SEMA3A: variants seen among roughly 807,000 people sequenced by gnomAD.
SEMA3A encodes the protein semaphorin 3A, also known as semaphorin-3A.
A neutral mutation model predicts 97.9 loss-of-function variants in SEMA3A; 29 were observed. The ratio of observed to expected loss-of-function variants is 0.30; its 90% confidence interval spans 0.22 to 0.40. SEMA3A has a LOEUF of 0.40. SEMA3A is among the 10% of genes least tolerant of loss of function. The pLI is 1.00. For synonymous variants in SEMA3A, 321 were observed against 323.7 expected (o/e 0.99, Z 0.09); for missense variants, 763 against 951.3 (o/e 0.80, Z 2.60).
At chr7:84,360,457 TG>T (rs1363525555) in intron 2 of SEMA3A, among the ~76,000 whole-genome samples, 4 of 152,050 alleles carry the variant, frequency 2.6e-5, no homozygotes, top group Non-Finnish European at 4.4e-5. Context: ...CAGTTTTGAG[TG>T]AGTTTCTTAA....
chr7:84,008,539 T>TG (rs1790761215), intron 9 of SEMA3A, among the ~76,000 whole-genome samples: 1 of 151,602 alleles, frequency 6.6e-6, no homozygotes, highest in South Asian at 2.1e-4. Flanking sequence ...TTTATTAGGC[T>TG]TATAGAAATG....
intron 2 of SEMA3A, among the ~76,000 whole-genome samples, chr7:84,134,464 C>G (rs184215582): frequency 2.6e-5 from 4 of 152,284 alleles, no homozygotes; most frequent in Admixed American, 2.6e-4. Context: ...TATACCTACA[C>G]ACATATAAAT....
chr7:84,005,237 A>T (rs994080421), intron 11 of SEMA3A, 102 bp downstream of exon 11: 7 of 818,712 alleles, frequency 8.6e-6, no homozygotes, highest in Non-Finnish European at 1.5e-5. Context: ...TTTCAACTGC[A>T]CAGAGGGTTG....
At chr7:84,324,632 TTTTAAC>T (rs1318382359) in intron 2 of SEMA3A, among the ~76,000 whole-genome samples, 5 of 152,184 alleles carry the variant, frequency 3.3e-5, no homozygotes, top group Admixed American at 3.3e-4. Context: ...TATGTAATTT[TTTTAAC>T]TTTAACAAGA....
chr7:84,056,960 C>T (rs1433523731), intron 5 of SEMA3A, among the ~76,000 whole-genome samples: 2 of 152,166 alleles, frequency 1.3e-5, no homozygotes, highest in Admixed American at 6.5e-5. Flanking sequence ...TTTCTCACAA[C>T]ACACTAGTGA....
At chr7:84,056,660 A>C (rs1792994250) in intron 5 of SEMA3A, among the ~76,000 whole-genome samples, 1 of 152,070 alleles carries the variant, frequency 6.6e-6, no homozygotes, top group Admixed American at 6.5e-5. Context: ...GCACGGATGC[A>C]ATCCATGGAT....
chr7:84,375,150 G>A lies in SEMA3A; in HGVS notation c.-245-3250C>T, dbSNP rs149775565. ...TTCTCCTGCCTCAGCCTCCTGAGTA[G>A]CTGGGATTACAGGCACCCGCCAACA... On this transcript the variant is annotated intron_variant, in intron 1 of 3. Transcript: ENST00000424555. 2.5e-3 allele frequency among the ~76,000 whole-genome samples: 373 copies of A among 152,162 alleles called. 2 individuals carry two copies. The highest frequency in any genetic ancestry group is 8.8e-3 in the African/African-American group (365 of 41,510).
chr7:84,418,721 G>A (rs1804502668), intron 1 of SEMA3A, among the ~76,000 whole-genome samples: 1 of 151,922 alleles, frequency 6.6e-6, no homozygotes, highest in Non-Finnish European at 1.5e-5. Flanking sequence ...GGGGGCTCTT[G>A]AGCCTCTAGC....
intron 1 of SEMA3A, among the ~76,000 whole-genome samples, chr7:84,402,978 A>C (rs1307551905): frequency 1.3e-5 from 2 of 152,168 alleles, no homozygotes; most frequent in Non-Finnish European, 2.9e-5. Flanking sequence ...AGCAACGCAG[A>C]AGACAGATGA....
At chr7:84,308,495 T>A (rs964794658) in intron 2 of SEMA3A, among the ~76,000 whole-genome samples, 2 of 152,142 alleles carry the variant, frequency 1.3e-5, no homozygotes, top group Non-Finnish European at 2.9e-5. Context: ...GTCAATCAAC[T>A]GAGAAACTAG....
In SEMA3A at chr7:83,956,884, C is replaced by T. The variant is rs79005297; in HGVS notation, c.*4487G>A. 6.6e-6 allele frequency: 1 copy of T among 152,048 alleles called. No individual in the cohort carries two copies. Among genetic ancestry groups the T allele is most frequent in the African/African-American group, 2.4e-5 (1 of 41,400 alleles). 9.4% of individuals were successfully genotyped at this position (152,048 alleles called of 1,614,324 possible). ...GAAAGTCACTTATTCTCTGAAGCAC[C>T]CCATGATCTCTCTCCACAAGTTAAT... is the stretch of plus-strand genomic sequence containing the variant. On this transcript the variant is annotated 3_prime_UTR_variant, in exon 17 of 17. Transcript: ENST00000265362.
At chr7:84,269,017 C>T (rs1401974802) in intron 3 of SEMA3A, among the ~76,000 whole-genome samples, 1 of 152,088 alleles carries the variant, frequency 6.6e-6, no homozygotes, top group African/African-American at 2.4e-5. Flanking sequence ...TGTTACTACT[C>T]CTTGCTTCTT....
chr7:84,298,185 A>G (rs1476907687), intron 3 of SEMA3A, among the ~76,000 whole-genome samples: 1 of 152,164 alleles, frequency 6.6e-6, no homozygotes, highest in African/African-American at 2.4e-5. Context: ...TCTTCTGCCT[A>G]TCAAACCTAC....
intron 12 of SEMA3A, among the ~76,000 whole-genome samples, chr7:83,993,211 C>G (rs1790039934): frequency 9.0e-6 from 1 of 110,788 alleles, no homozygotes. Flanking sequence ...GTATGTGTGT[C>G]TCTGCACGTG....
At chr7:84,196,285 T>C (rs1165484318), upstream of SEMA3A, among the ~76,000 whole-genome samples, 2 of 152,198 alleles carry the variant, frequency 1.3e-5, no homozygotes, top group East Asian at 3.9e-4. Context: ...CTAAGCATTG[T>C]CACTACAGCT....
intron 1 of SEMA3A, among the ~76,000 whole-genome samples, chr7:84,466,191 G>A (rs1805992176): frequency 6.6e-6 from 1 of 151,894 alleles, no homozygotes; most frequent in Non-Finnish European, 1.5e-5. Flanking sequence ...GTTTGCTTTT[G>A]AGACGGAGTT....
At chr7:83,982,381 T>C (rs1027543148) in intron 13 of SEMA3A, among the ~76,000 whole-genome samples, 2 of 152,346 alleles carry the variant, frequency 1.3e-5, no homozygotes, top group Non-Finnish European at 2.9e-5. Flanking sequence ...GTTTTTCTAA[T>C]AATTCAGGAT....
At chr7:84,357,589 T>A (rs1802597600) in intron 2 of SEMA3A, among the ~76,000 whole-genome samples, 1 of 152,154 alleles carries the variant, frequency 6.6e-6, no homozygotes, top group South Asian at 2.1e-4. Flanking sequence ...AGTGCCGCAA[T>A]AAACATATGT....
chr7:84,486,222 T>C (rs558190590), intron 1 of SEMA3A, among the ~76,000 whole-genome samples: 18 of 152,206 alleles, frequency 1.2e-4, no homozygotes, highest in African/African-American at 4.3e-4. Flanking sequence ...ACCCTGTCTC[T>C]ATTAAAAATA....
Sources: gnomAD v4.1 joint callset for allele counts (sites outside exome capture counted in the v4.1 genomes callset) on GRCh38, gnomAD v4.1.1 for gene constraint, MANE v1.5 for transcripts, NCBI Gene and HGNC (gene_info 2026-07-23, HGNC 2026-07-21) for gene names.